CTNNA2: variants seen among roughly 807,000 people sequenced by gnomAD.
The protein encoded by CTNNA2 is catenin alpha-2.
CTNNA2 carries 42 observed loss-of-function variants against 101.0 expected under a neutral mutation model. The observed-to-expected ratio is 0.42, with a 90% confidence interval of 0.32 to 0.54. The LOEUF is 0.54. CTNNA2 is among the 20% of genes least tolerant of loss of function. The pLI is 0.14. For missense variants in CTNNA2, 871 were observed against 1,223.1 expected (o/e 0.71, Z 4.29); for synonymous variants, 450 against 456.4 (o/e 0.99, Z 0.18).
At chr2:79,711,895 G>A (rs1573757115) in intron 2 of CTNNA2, among the ~76,000 whole-genome samples, 2 of 152,062 alleles carry the variant, frequency 1.3e-5, no homozygotes, top group East Asian at 3.8e-4. Context: ...TGGTGTCATG[G>A]ATCATTATTC....
chr2:79,328,993 G>A (rs1280555980), intron 3 of CTNNA2, among the ~76,000 whole-genome samples: 1 of 152,136 alleles, frequency 6.6e-6, no homozygotes, highest in African/African-American at 2.4e-5. Context: ...CTGGGTGTCT[G>A]TGTCTATGTG....
At position 80,411,957 on chromosome 2, in the gene CTNNA2, C is replaced by T. The variant is rs565054790; in HGVS notation, c.1138-7492C>T. Reference sequence around the variant, plus strand: ...CTCTTGCCACCTCTCCTCATCTCACCGCTGCAGTTACTTCTGTCTTTTGCA... The same window carrying T: ...CTCTTGCCACCTCTCCTCATCTCACTGCTGCAGTTACTTCTGTCTTTTGCA... On this transcript the variant is annotated intron_variant, in intron 8 of 18. Transcript: ENST00000402739. Among the ~76,000 whole-genome samples, 13 of 152,234 alleles carry T rather than the reference C, an allele frequency of 8.5e-5. No homozygotes were observed. The East Asian group carries it at 2.1e-3, about 25-fold the overall frequency.
chr2:80,437,104 G>A (rs746396258), intron 9 of CTNNA2, among the ~76,000 whole-genome samples: 2 of 152,160 alleles, frequency 1.3e-5, no homozygotes, highest in Non-Finnish European at 2.9e-5. Context: ...CACCATCTAT[G>A]AGGAAAAGGC....
chr2:80,380,053 T>TC (rs1202529463), intron 7 of CTNNA2, among the ~76,000 whole-genome samples: 1 of 128,876 alleles, frequency 7.8e-6, no homozygotes, highest in African/African-American at 3.0e-5. Flanking sequence ...TTTTTTTTTT[T>TC]TGAGACGGAG....
In CTNNA2 at chr2:79,427,142, T is replaced by C. The variant is rs562230023; in HGVS notation, c.-135+53129T>C. Among the ~76,000 whole-genome samples the C allele has an allele frequency of 3.9e-5, 6 of 152,128 alleles. No individual in the cohort carries two copies. The East Asian group carries it at 1.2e-3, about 29-fold the overall frequency. ...GGACAGGTTGCAATAACACCTGCTATAAGCAAATGAACAACACAATGTCAT... is the reference window on the plus strand; with the variant it reads ...GGACAGGTTGCAATAACACCTGCTACAAGCAAATGAACAACACAATGTCAT... On this transcript the variant is annotated intron_variant, in intron 4 of 21. Coordinates refer to the CTNNA2 transcript ENST00000466387.
intron 2 of CTNNA2, among the ~76,000 whole-genome samples, chr2:79,724,339 T>G (rs572238258): frequency 6.6e-6 from 1 of 151,846 alleles, no homozygotes; most frequent in African/African-American, 2.4e-5. Flanking sequence ...AAAATGCGTG[T>G]TAGGGTTTGA....
At chr2:79,565,920 T>G (rs779827020) in intron 1 of CTNNA2, among the ~76,000 whole-genome samples, 6 of 151,782 alleles carry the variant, frequency 4.0e-5, no homozygotes, top group Non-Finnish European at 7.4e-5. Context: ...ATAGACAGAA[T>G]AGGGGATTAA....
At chr2:80,376,166 G>A (rs17019114) in intron 7 of CTNNA2, among the ~76,000 whole-genome samples, 31,643 of 151,766 alleles carry the variant, frequency 0.21, 3,380 homozygotes, top group East Asian at 0.37. Flanking sequence ...TTTTTGTTTA[G>A]AGTCATACAT....
intron 4 of CTNNA2, among the ~76,000 whole-genome samples, chr2:79,489,935 C>T (rs1444164800): frequency 2.6e-5 from 4 of 152,188 alleles, no homozygotes; most frequent in East Asian, 3.9e-4. Context: ...TACTCATGGC[C>T]CCTCGTCTCA....
At chr2:80,379,951 A>G (rs1676338828) in intron 7 of CTNNA2, among the ~76,000 whole-genome samples, 1 of 151,634 alleles carries the variant, frequency 6.6e-6, no homozygotes. Context: ...AACCAGCAGC[A>G]GCACCCTGAG....
intron 1 of CTNNA2, among the ~76,000 whole-genome samples, chr2:79,604,839 C>A (rs777117410): frequency 9.2e-5 from 14 of 152,144 alleles, no homozygotes; most frequent in Non-Finnish European, 1.6e-4. Flanking sequence ...TCCTGCCTGA[C>A]AAATTGTAGC....
chr2:80,637,951 C>A (rs924349638), intron 18 of CTNNA2, among the ~76,000 whole-genome samples: 2 of 152,148 alleles, frequency 1.3e-5, no homozygotes, highest in Non-Finnish European at 2.9e-5. Context: ...GCAGCAGATA[C>A]CATGTTCATA....
intron 4 of CTNNA2, among the ~76,000 whole-genome samples, chr2:79,415,626 C>T (rs1296704548): frequency 1.3e-5 from 2 of 152,014 alleles, no homozygotes; most frequent in Non-Finnish European, 2.9e-5. Flanking sequence ...TTAAGGAATA[C>T]TATGTGGGAA....
intron 1 of CTNNA2, among the ~76,000 whole-genome samples, chr2:79,610,091 G>T (rs1678165678): frequency 6.6e-6 from 1 of 152,068 alleles, no homozygotes; most frequent in African/African-American, 2.4e-5. Flanking sequence ...AAACAAAACA[G>T]TGTAACATTT....
chr2:79,428,355 C>T (rs6742990), intron 4 of CTNNA2, among the ~76,000 whole-genome samples: 48,519 of 151,896 alleles, frequency 0.32, 7,883 homozygotes, highest in South Asian at 0.44. Flanking sequence ...AGTAAGGCTC[C>T]ACTCACCTGT....
Position 80,525,703 on chromosome 2 carries a change from C to T in CTNNA2, c.1291-19279C>T, listed in dbSNP as rs191901383. Among the ~76,000 whole-genome samples, 191 of 152,272 alleles carry T rather than the reference C, an allele frequency of 1.3e-3. 1 individual carries two copies. The highest frequency in any genetic ancestry group is 4.3e-3 in the African/African-American group (177 of 41,572). On this transcript the variant is annotated intron_variant, in intron 9 of 18. Transcript: ENST00000402739. Reference sequence around the variant, plus strand: ...TTTTTCTGGAGGGGCCTTGATCACACTCATCATGTCAGCTTTTCCTAAGCC... The same window carrying T: ...TTTTTCTGGAGGGGCCTTGATCACATTCATCATGTCAGCTTTTCCTAAGCC...
intron 9 of CTNNA2, among the ~76,000 whole-genome samples, chr2:80,484,718 T>C (rs773782226): frequency 1.3e-5 from 2 of 152,262 alleles, no homozygotes; most frequent in South Asian, 2.1e-4. Flanking sequence ...AACAAAATAA[T>C]GGGTCTGGCT....
intron 7 of CTNNA2, among the ~76,000 whole-genome samples, chr2:80,224,239 A>T (rs1402940526): frequency 6.6e-6 from 1 of 152,126 alleles, no homozygotes; most frequent in African/African-American, 2.4e-5. Flanking sequence ...TACCAACCAC[A>T]TCATCTTCAT....
intron 3 of CTNNA2, among the ~76,000 whole-genome samples, chr2:79,837,015 T>C (rs1402392095): frequency 1.3e-5 from 2 of 152,230 alleles, no homozygotes; most frequent in African/African-American, 4.8e-5. Context: ...GACGAATTCG[T>C]AAGTATTGGA....
Sources: allele counts gnomAD v4.1 joint callset (sites outside exome capture counted in the v4.1 genomes callset), GRCh38; gene constraint gnomAD v4.1.1; transcripts MANE v1.5; gene names NCBI Gene and HGNC (gene_info 2026-07-23, HGNC 2026-07-21).